The following KCNK1 variants were observed in gnomAD, a reference collection of about 807,000 sequenced individuals.
KCNK1 encodes potassium channel subfamily K member 1.
Under a neutral mutation model 22.2 loss-of-function variants are expected in KCNK1, and 10 were observed. The observed-to-expected ratio is 0.45, with a 90% confidence interval of 0.28 to 0.76. The LOEUF (loss-of-function observed/expected upper bound fraction) is 0.76. Among genes scored for constraint, KCNK1 ranks in the 30% least tolerant of loss-of-function variants. The pLI is 0.14. For synonymous variants in KCNK1, 200 were observed against 186.4 expected (o/e 1.07, Z -0.60); for missense variants, 378 against 421.0 (o/e 0.90, Z 0.89).
intron 1 of KCNK1, among the ~76,000 whole-genome samples, chr1:233,650,887 G>A (rs1056149952): frequency 6.6e-6 from 1 of 152,078 alleles, no homozygotes; most frequent in Non-Finnish European, 1.5e-5. Context: ...TGGACGCCAC[G>A]TTTCCCTCCC....
chr1:233,667,709 G>C (rs948691984), intron 2 of KCNK1, among the ~76,000 whole-genome samples: 49 of 114,572 alleles, frequency 4.3e-4, no homozygotes, highest in African/African-American at 1.6e-3. Flanking sequence ...CAGCCTGGGC[G>C]ACAGAGCGAG....
At chr1:233,628,690 C>T (rs1455038955) in intron 1 of KCNK1, among the ~76,000 whole-genome samples, 1 of 151,786 alleles carries the variant, frequency 6.6e-6, no homozygotes, top group Non-Finnish European at 1.5e-5. Context: ...ACTTGGGAGG[C>T]AGAGTTTGCA....
intron 1 of KCNK1, chr1:233,631,171 A>C (rs989197120): frequency 2.2e-6 from 1 of 458,662 alleles, no homozygotes. Context: ...TCCACAGTCT[A>C]TTTTATTTAT....
At chr1:233,631,508 A>C (rs1334257068) in intron 1 of KCNK1, 1 of 341,178 alleles carries the variant, frequency 2.9e-6, no homozygotes, top group East Asian at 7.7e-5. Flanking sequence ...CCATTAATCT[A>C]ACTGAATTTC....
chr1:233,646,828 G>A (rs371625353), intron 1 of KCNK1, among the ~76,000 whole-genome samples: 1 of 152,152 alleles, frequency 6.6e-6, no homozygotes, highest in African/African-American at 2.4e-5. Context: ...GATGAGGATA[G>A]AATTAATTCA....
At chr1:233,627,709 G>C (rs1657715423) in intron 1 of KCNK1, among the ~76,000 whole-genome samples, 1 of 152,084 alleles carries the variant, frequency 6.6e-6, no homozygotes, top group East Asian at 1.9e-4. Flanking sequence ...GTCATCCACT[G>C]CTACTCCCAT....
In KCNK1 at chr1:233,625,525, C is replaced by G. The variant is rs6693342; in HGVS notation, c.355+10999C>G. Among the ~76,000 whole-genome samples the G allele has an allele frequency of 9.9e-5, 15 of 152,038 alleles. No homozygotes were observed. The South Asian group carries it at 2.3e-3, about 23-fold the overall frequency. On this transcript the variant is annotated intron_variant, in intron 1 of 2. Coordinates refer to ENST00000366621, the MANE Select transcript of KCNK1 (RefSeq NM_002245.4). ...GAGAGATAGGAGGGCAGGAGAAGGT[C>G]GGAGAAAAACTTTTGCTTCTGGGAC...
chr1:233,663,727 G>A (rs1242770192), intron 1 of KCNK1, among the ~76,000 whole-genome samples: 7 of 152,078 alleles, frequency 4.6e-5, no homozygotes, highest in African/African-American at 1.7e-4. Context: ...ATCTCTTGCA[G>A]TTTCTGTTTG....
chr1:233,671,833 G>A lies in KCNK1; in HGVS notation c.*303G>A. On this transcript the variant is annotated 3_prime_UTR_variant, in exon 3 of 3. Coordinates refer to ENST00000366621, the MANE Select transcript of KCNK1 (RefSeq NM_002245.4). ...AAGCAGTATGCTGCTGTGGTTAGAA[G>A]CAGATTTTATACTTTTAACTGGAAA... is the stretch of plus-strand genomic sequence containing the variant. 1 of 300,356 alleles carries A rather than the reference G, an allele frequency of 3.3e-6. No homozygotes were observed. 18.6% of individuals were successfully genotyped at this position (300,356 alleles called of 1,614,324 possible). A position where few individuals can be genotyped will look rare whatever the true frequency, so the allele number is the denominator to read the frequency against.
intron 1 of KCNK1, among the ~76,000 whole-genome samples, chr1:233,643,690 A>G (rs1470143251): frequency 6.6e-6 from 1 of 151,412 alleles, no homozygotes; most frequent in African/African-American, 2.4e-5. Flanking sequence ...ACTTCTTCTT[A>G]CTTAGTGCAT....
At chr1:233,623,601 G>A (rs1657630618) in intron 1 of KCNK1, among the ~76,000 whole-genome samples, 1 of 152,132 alleles carries the variant, frequency 6.6e-6, no homozygotes, top group Non-Finnish European at 1.5e-5. Flanking sequence ...TTTGTTTTTT[G>A]TTATTGAGAC....
At chr1:233,620,316 C>G (rs72762235) in intron 1 of KCNK1, among the ~76,000 whole-genome samples, 3,947 of 152,294 alleles carry the variant, frequency 0.026, 60 homozygotes, top group Non-Finnish European at 0.039. Flanking sequence ...TTGAAAGGTA[C>G]GCTAAGAGTA....
At chr1:233,645,057 G>A (rs753306708) in intron 1 of KCNK1, among the ~76,000 whole-genome samples, 10 of 152,108 alleles carry the variant, frequency 6.6e-5, no homozygotes, top group South Asian at 4.2e-4. Context: ...AGCTGGGTGT[G>A]GTGGCGGGCG....
Position 233,660,569 on chromosome 1 carries a change from G to A in KCNK1, c.356-6026G>A, listed in dbSNP as rs1418664841. The A allele has an allele frequency of 2.0e-5, 3 of 152,176 alleles. No homozygotes were observed. In the East Asian group the frequency reaches 5.8e-4, roughly 29 times the overall value. The allele number at this position is 152,176 out of a possible 1,614,324, so 9.4% of individuals were successfully genotyped here. A position where few individuals can be genotyped will look rare whatever the true frequency, so the allele number is the denominator to read the frequency against. ...AGAATATGAAAGGCATGTAGGTTAT[G>A]CCTACGTTCTCGGACCCTTGATAGA... On this transcript the variant is annotated intron_variant, in intron 1 of 2. Transcript: ENST00000366621.
chr1:233,637,852 T>C (rs1657929691), intron 1 of KCNK1, among the ~76,000 whole-genome samples: 1 of 152,198 alleles, frequency 6.6e-6, no homozygotes, highest in Non-Finnish European at 1.5e-5. Flanking sequence ...ACTCAATATT[T>C]AAAACCCTTA....
chr1:233,614,714 C>T (rs112806293), intron 1 of KCNK1, among the ~76,000 whole-genome samples, 188 bp downstream of exon 1: 17 of 151,976 alleles, frequency 1.1e-4, no homozygotes, highest in African/African-American at 3.9e-4. Context: ...CTGGCGTCCC[C>T]GGCCTCTGCC....
At chr1:233,639,877 T>C (rs908239963) in intron 1 of KCNK1, among the ~76,000 whole-genome samples, 1 of 152,224 alleles carries the variant, frequency 6.6e-6, no homozygotes, top group Admixed American at 6.5e-5. Context: ...CTGGTGGGAC[T>C]CCTCTGTGGG....
At chr1:233,631,464 T>C in intron 1 of KCNK1, 1 of 369,416 alleles carries the variant, frequency 2.7e-6, no homozygotes, top group South Asian at 2.1e-5. Flanking sequence ...GTTTGTGCCC[T>C]GGTATCTTGA....
intron 1 of KCNK1, among the ~76,000 whole-genome samples, chr1:233,625,175 T>C (rs1027221848): frequency 7.2e-5 from 11 of 152,160 alleles, no homozygotes; most frequent in Non-Finnish European, 1.5e-4. Flanking sequence ...AAAATAGGAT[T>C]GGACCAAAAG....
Sources: gnomAD v4.1 joint callset for allele counts (sites outside exome capture counted in the v4.1 genomes callset) on GRCh38, gnomAD v4.1.1 for gene constraint, MANE v1.5 for transcripts, NCBI Gene and HGNC (gene_info 2026-07-23, HGNC 2026-07-21) for gene names.